Variants in DSCAM observed in about 807,000 individuals in gnomAD.
The protein encoded by DSCAM is cell adhesion molecule DSCAM.
DSCAM carries 47 observed loss-of-function variants against 217.7 expected under a neutral mutation model. That is an observed-to-expected ratio of 0.22 (90% CI 0.17 to 0.28). DSCAM has a LOEUF of 0.28. Ranked by LOEUF, DSCAM falls within the 10% of genes least tolerant of loss-of-function variation. The probability of loss-of-function intolerance (pLI) is 1.00; values close to 1 mark genes in which losing one functional copy is unlikely to be tolerated. For missense variants in DSCAM, 2,080 were observed against 2,618.3 expected (o/e 0.79, Z 4.49); for synonymous variants, 1,056 against 1,015.3 (o/e 1.04, Z -0.76).
intron 27 of DSCAM, among the ~76,000 whole-genome samples, chr21:40,065,441 G>GA (rs769972256): frequency 3.4e-4 from 51 of 152,148 alleles, no homozygotes; most frequent in African/African-American, 5.5e-4. Flanking sequence ...GACAAGCCAA[G>GA]AAAAAAATTT....
rs2090326377 is a variant in DSCAM, at chr21:40,144,156, C to A, written c.3259+335G>T. Among the ~76,000 whole-genome samples, 1 of 152,192 alleles carries A rather than the reference C, an allele frequency of 6.6e-6. No homozygotes were observed. Among genetic ancestry groups the A allele is most frequent in the Admixed American group, 6.5e-5 (1 of 15,278 alleles). ...TAACATTTGGGAGAAAGTTTTTTAGCAAATAGCATTTCTGCATTCTCGTGA... is the reference window on the plus strand; with the variant it reads ...TAACATTTGGGAGAAAGTTTTTTAGAAAATAGCATTTCTGCATTCTCGTGA... On this transcript the variant is annotated intron_variant, in intron 17 of 32. Transcript: ENST00000400454. The surrounding 1 kb of genome is among the most constrained non-coding windows in gnomAD (Gnocchi z 4.8).
chr21:40,463,924 G>A (rs867946883), intron 3 of DSCAM, among the ~76,000 whole-genome samples: 1 of 152,074 alleles, frequency 6.6e-6, no homozygotes, highest in Non-Finnish European at 1.5e-5. Context: ...CTCTTTTCTT[G>A]GCTTCTAGGA....
At chr21:40,801,741 G>A (rs572713828) in intron 1 of DSCAM, among the ~76,000 whole-genome samples, 28 of 152,270 alleles carry the variant, frequency 1.8e-4, no homozygotes, top group Non-Finnish European at 3.2e-4. Context: ...TACATGTAGC[G>A]CTAATTCTGC....
chr21:40,792,094 C>T (rs1001850900), intron 1 of DSCAM, among the ~76,000 whole-genome samples: 1 of 151,142 alleles, frequency 6.6e-6, no homozygotes, highest in African/African-American at 2.4e-5. Context: ...TTCACATGGC[C>T]ATCCCTCTTT....
At chr21:40,823,110 A>G (rs2091942478) in intron 1 of DSCAM, among the ~76,000 whole-genome samples, 1 of 152,098 alleles carries the variant, frequency 6.6e-6, no homozygotes, top group South Asian at 2.1e-4. Flanking sequence ...AAATTGTGCC[A>G]CTGCACTCCA....
At chr21:40,839,385 G>A (rs142470594) in intron 1 of DSCAM, among the ~76,000 whole-genome samples, 17 of 152,252 alleles carry the variant, frequency 1.1e-4, no homozygotes, top group South Asian at 8.3e-4. Context: ...CTATTCTGCC[G>A]TGAAACATCT....
At chr21:40,138,732 GT>G (rs1280533247) in intron 18 of DSCAM, among the ~76,000 whole-genome samples, 1 of 147,536 alleles carries the variant, frequency 6.8e-6, no homozygotes, top group Non-Finnish European at 1.5e-5. Flanking sequence ...TATGTATGTG[GT>G]GTGCAGTATA....
In DSCAM at chr21:40,167,283, C is replaced by A; in HGVS notation, c.2953G>T (p.Asp985Tyr). The A allele has an allele frequency of 6.2e-7, 1 of 1,613,974 alleles. No individual in the cohort carries two copies. Among genetic ancestry groups the A allele is most frequent in the Non-Finnish European group, 8.5e-7 (1 of 1,179,984 alleles). Reference protein sequence around the residue: ...LTITADEAAPDGPPQEVHLEP... With the variant: ...LTITADEAAPYGPPQEVHLEP... The stretch of plus-strand genomic sequence containing the variant: ...AGGTGAACTTCCTGAGGTGGACCAT[C>A]AGGAGCTGTAAGGACCAAAAACCCA... Residue 985 changes from aspartate (D) to tyrosine (Y), a missense_variant, in exon 16 of 33, where the codon GAT becomes TAT. By Grantham distance (160) the Asp-to-Tyr change is radical (BLOSUM62 -3). Around this residue, in one of 5 missense-constraint regions of DSCAM, gnomAD observed 1,144 missense variants for 1,421.1 expected, o/e 0.81. Transcript: ENST00000400454.
intron 3 of DSCAM, among the ~76,000 whole-genome samples, chr21:40,683,943 CGG>C (rs1275106306): frequency 6.6e-6 from 1 of 151,944 alleles, no homozygotes; most frequent in Non-Finnish European, 1.5e-5. Context: ...TGGTTAAGAC[CGG>C]GCCACGCACG....
At chr21:40,387,685 T>C (rs1038840864) in intron 3 of DSCAM, among the ~76,000 whole-genome samples, 2 of 152,030 alleles carry the variant, frequency 1.3e-5, no homozygotes, top group East Asian at 1.9e-4. Flanking sequence ...CAATTTATCA[T>C]AAAAAGGAGT....
chr21:40,816,049 T>C (rs1451437930), intron 1 of DSCAM, among the ~76,000 whole-genome samples: 1 of 152,230 alleles, frequency 6.6e-6, no homozygotes, highest in Admixed American at 6.5e-5. Context: ...CCACAGTTCC[T>C]GCTTCCAATC....
intron 3 of DSCAM, among the ~76,000 whole-genome samples, chr21:40,533,508 G>A (rs886444879): frequency 7.7e-6 from 1 of 130,056 alleles, no homozygotes; most frequent in African/African-American, 3.0e-5. Context: ...CATCCAACCA[G>A]CCATCCATCC....
chr21:40,684,937 G>A (rs527712964), intron 3 of DSCAM, among the ~76,000 whole-genome samples: 59 of 152,066 alleles, frequency 3.9e-4, no homozygotes, highest in Non-Finnish European at 7.9e-4. Flanking sequence ...CAAACATCAC[G>A]GGGAGAGAGA....
At chr21:40,223,298 A>G (rs2091303988) in intron 11 of DSCAM, among the ~76,000 whole-genome samples, 2 of 152,346 alleles carry the variant, frequency 1.3e-5, no homozygotes, top group South Asian at 4.1e-4. Context: ...AGACCAGCCC[A>G]TCACTTGAGC....
At chr21:40,190,748 C>A (rs2090945001) in intron 11 of DSCAM, among the ~76,000 whole-genome samples, 1 of 152,122 alleles carries the variant, frequency 6.6e-6, no homozygotes, top group African/African-American at 2.4e-5. Flanking sequence ...CACTGAAATG[C>A]ACCCAGATAA....
chr21:40,669,700 T>C (rs866628303), intron 3 of DSCAM, among the ~76,000 whole-genome samples: 1 of 151,748 alleles, frequency 6.6e-6, no homozygotes, highest in Middle Eastern at 3.4e-3. Flanking sequence ...TGCCTCAGCC[T>C]CCCAAGTAGC....
intron 3 of DSCAM, among the ~76,000 whole-genome samples, chr21:40,443,391 C>T (rs1468106140): frequency 6.6e-6 from 1 of 152,136 alleles, no homozygotes; most frequent in Non-Finnish European, 1.5e-5. Context: ...ACTGTAACAT[C>T]TCTTAATTAA....
intron 3 of DSCAM, among the ~76,000 whole-genome samples, chr21:40,530,244 C>A (rs2076432679): frequency 6.6e-6 from 1 of 152,190 alleles, no homozygotes. Context: ...AATTTTCTTA[C>A]CCAGGAACTG....
intron 28 of DSCAM, among the ~76,000 whole-genome samples, chr21:40,059,812 T>C (rs2089086483): frequency 6.6e-6 from 1 of 152,212 alleles, no homozygotes; most frequent in South Asian, 2.1e-4. Flanking sequence ...GTATTCTCAC[T>C]GTACCAGGCT....
Sources: allele counts gnomAD v4.1 joint callset (sites outside exome capture counted in the v4.1 genomes callset), GRCh38; gene constraint gnomAD v4.1.1; regional missense constraint gnomAD v4.1.1; non-coding constraint Gnocchi (gnomAD v3.1); transcripts MANE v1.5; gene names NCBI Gene and HGNC (gene_info 2026-07-23, HGNC 2026-07-21).